Variants in SAMD12 observed in about 807,000 individuals in gnomAD.
SAMD12 encodes sterile alpha motif domain containing 12, also known as sterile alpha motif domain-containing protein 12.
In SAMD12, 9 loss-of-function variants were observed where a neutral mutation model predicts 15.0. The ratio of observed to expected loss-of-function variants is 0.60; its 90% CI spans 0.36 to 1.05. The LOEUF (loss-of-function observed/expected upper bound fraction) is 1.05. Among genes scored for constraint, SAMD12 ranks in the 50% least tolerant of loss-of-function variants. The pLI is 0.01. For missense variants in SAMD12, 230 were observed against 234.2 expected (o/e 0.98, Z 0.12); for synonymous variants, 86 against 90.1 (o/e 0.96, Z 0.25).
chr8:118,539,964 G>A (rs984755908), intron 2 of SAMD12, among the ~76,000 whole-genome samples: 1 of 152,166 alleles, frequency 6.6e-6, no homozygotes, highest in African/African-American at 2.4e-5. Flanking sequence ...TACTTAATAT[G>A]TGAAAGATGT....
At chr8:118,494,112 T>A (rs527731639) in intron 2 of SAMD12, among the ~76,000 whole-genome samples, 10 of 152,242 alleles carry the variant, frequency 6.6e-5, no homozygotes, top group African/African-American at 1.9e-4. Flanking sequence ...GACAGGAGCA[T>A]CAGAGCAGGA....
chr8:118,139,965 G>A, the SAMD12 span, among the ~76,000 whole-genome samples: 12 of 152,274 alleles, frequency 7.9e-5, no homozygotes, highest in Non-Finnish European at 1.3e-4. Flanking sequence ...GCTGGAAGGC[G>A]CTGGACTTCC....
intron 4 of SAMD12, among the ~76,000 whole-genome samples, chr8:118,286,142 G>A (rs1813986910): frequency 6.8e-6 from 1 of 146,314 alleles, no homozygotes; most frequent in African/African-American, 2.5e-5. Context: ...ACAGGAAGGG[G>A]GACATCACAC....
chr8:118,564,202 C>CACCT (rs1420126470), intron 2 of SAMD12, among the ~76,000 whole-genome samples: 1 of 151,840 alleles, frequency 6.6e-6, no homozygotes, highest in Admixed American at 6.6e-5. Flanking sequence ...CACCCCCCGC[C>CACCT]ACCTGCCCGC....
intron 4 of SAMD12, among the ~76,000 whole-genome samples, chr8:118,230,470 C>G (rs1278592757): frequency 6.6e-6 from 1 of 152,072 alleles, no homozygotes; most frequent in East Asian, 1.9e-4. Flanking sequence ...GCTAGAGAAG[C>G]TTCCTGGATA....
At chr8:118,162,345 C>T in the SAMD12 span, among the ~76,000 whole-genome samples, 1 of 149,490 alleles carries the variant, frequency 6.7e-6, no homozygotes, top group Non-Finnish European at 1.5e-5. Context: ...GTAAAGTGTA[C>T]CTCAATAAAG....
intron 4 of SAMD12, among the ~76,000 whole-genome samples, chr8:118,362,874 C>G (rs1818574441): frequency 6.6e-6 from 1 of 152,172 alleles, no homozygotes; most frequent in African/African-American, 2.4e-5. Context: ...GCTGACATCT[C>G]TGCTTCATTA....
the SAMD12 span, among the ~76,000 whole-genome samples, chr8:118,138,263 A>T: frequency 6.6e-6 from 1 of 152,202 alleles, no homozygotes; most frequent in African/African-American, 2.4e-5. Context: ...AGCACTGCAT[A>T]AGTCAGAAAA....
chr8:118,593,058 T>C (rs1209577659), intron 1 of SAMD12, among the ~76,000 whole-genome samples: 1 of 152,158 alleles, frequency 6.6e-6, no homozygotes, highest in Non-Finnish European at 1.5e-5. Context: ...ACATTCAGAC[T>C]AAAGGAACAT....
At chr8:118,475,719 G>T (rs1232962510) in intron 2 of SAMD12, among the ~76,000 whole-genome samples, 1 of 152,090 alleles carries the variant, frequency 6.6e-6, no homozygotes, top group Admixed American at 6.6e-5. Context: ...ACACAAAATT[G>T]GAATCAAAAA....
intron 4 of SAMD12, among the ~76,000 whole-genome samples, chr8:118,371,692 A>C (rs2130682414): frequency 1.3e-5 from 2 of 152,304 alleles, no homozygotes; most frequent in East Asian, 3.9e-4. Context: ...TCAGGGGTAC[A>C]CATCTTTTAG....
intron 2 of SAMD12, among the ~76,000 whole-genome samples, chr8:118,465,916 T>C (rs1823582645): frequency 6.6e-6 from 1 of 152,150 alleles, no homozygotes; most frequent in Non-Finnish European, 1.5e-5. Context: ...TGGGATTAGT[T>C]GGTCATCCTA....
chr8:118,148,634 T>C, the SAMD12 span, among the ~76,000 whole-genome samples: 1 of 152,190 alleles, frequency 6.6e-6, no homozygotes, highest in Non-Finnish European at 1.5e-5. Context: ...AGTTCTAGAA[T>C]ATTTCCATCA....
intron 2 of SAMD12, among the ~76,000 whole-genome samples, chr8:118,465,113 CAAATATACCCCAATCTTA>C (rs1011426333): frequency 6.6e-6 from 1 of 152,078 alleles, no homozygotes; most frequent in Non-Finnish European, 1.5e-5. Flanking sequence ...TTAAAAGGAG[CAAATATACCCCAATCTTA>C]AAATATACCC....
intron 3 of SAMD12, among the ~76,000 whole-genome samples, chr8:118,391,624 A>C (rs1385730764): frequency 1.3e-5 from 2 of 152,212 alleles, no homozygotes; most frequent in African/African-American, 2.4e-5. Context: ...CCTATAGCCA[A>C]AGTACTGTTC....
the SAMD12 span, among the ~76,000 whole-genome samples, chr8:118,179,458 G>T: frequency 1.5e-5 from 2 of 137,452 alleles, no homozygotes; most frequent in African/African-American, 5.5e-5. Flanking sequence ...AAAAAAAAAA[G>T]AATTCTAAAC....
intron 4 of SAMD12, among the ~76,000 whole-genome samples, chr8:118,320,864 G>A (rs1816212664): frequency 6.7e-6 from 1 of 148,976 alleles, no homozygotes; most frequent in African/African-American, 2.4e-5. Flanking sequence ...CAATGCATGT[G>A]TGTCTTTGTC....
intron 3 of SAMD12, among the ~76,000 whole-genome samples, chr8:118,408,170 A>G (rs544515002): frequency 6.6e-6 from 1 of 152,254 alleles, no homozygotes; most frequent in East Asian, 1.9e-4. Flanking sequence ...GACTCCCTTG[A>G]TAAGTATCCT....
At chr8:118,308,940 T>G (rs1238202720) in intron 4 of SAMD12, among the ~76,000 whole-genome samples, 1 of 152,176 alleles carries the variant, frequency 6.6e-6, no homozygotes, top group Non-Finnish European at 1.5e-5. Flanking sequence ...AGCCCAAATT[T>G]TAGGTAATAC....
Sources: gnomAD v4.1 joint callset for allele counts (sites outside exome capture counted in the v4.1 genomes callset) on GRCh38, gnomAD v4.1.1 for gene constraint, MANE v1.5 for transcripts, NCBI Gene and HGNC (gene_info 2026-07-23, HGNC 2026-07-21) for gene names.